The following KDM4C variants were observed in gnomAD, a reference collection of about 807,000 sequenced individuals.
KDM4C encodes the protein lysine demethylase 4C.
A neutral mutation model predicts 129.3 loss-of-function variants in KDM4C; 81 were observed. The observed-to-expected ratio is 0.63, with a 90% CI of 0.52 to 0.75. KDM4C has a LOEUF of 0.75. Ranked by LOEUF, KDM4C falls within the 30% of genes least tolerant of loss-of-function variation. The pLI is 0.00. For synonymous variants in KDM4C, 573 were observed against 456.1 expected, an observed-to-expected ratio of 1.26 and a Z score of -3.26; for missense variants, 1,457 against 1,304.0, an observed-to-expected ratio of 1.12 and a Z score of -1.81.
chr9:7,080,696 T>A (rs1230053537), intron 17 of KDM4C, among the ~76,000 whole-genome samples: 1 of 152,242 alleles, frequency 6.6e-6, no homozygotes, highest in African/African-American at 2.4e-5. Context: ...TGACAAAAAA[T>A]ATAATTTAAG....
rs575017848 is a variant in KDM4C, at chr9:6,996,157, C to A, written c.1786+5633C>A. Among the ~76,000 whole-genome samples, 5 of 152,294 alleles carry A rather than the reference C, an allele frequency of 3.3e-5. No individual in the cohort carries two copies. The South Asian group carries it at 1.0e-3, about 32-fold the overall frequency. On this transcript the variant is annotated intron_variant, in intron 12 of 21. Coordinates refer to ENST00000381309, the MANE Select transcript of KDM4C (RefSeq NM_015061.6). ...TATCTCTGTTTGTTGCCTTGCTGCCCATTTTGATGTGATTCACACTCACAA... is the reference window on the plus strand; with the variant it reads ...TATCTCTGTTTGTTGCCTTGCTGCCAATTTTGATGTGATTCACACTCACAA...
chr9:7,100,296 C>G (rs967018688), intron 17 of KDM4C, among the ~76,000 whole-genome samples: 2 of 152,150 alleles, frequency 1.3e-5, no homozygotes, highest in Non-Finnish European at 2.9e-5. Context: ...AACTAGCCTA[C>G]CTAACCTACA....
At chr9:6,752,947 G>C (rs950419128), upstream of KDM4C, among the ~76,000 whole-genome samples, 1 of 152,156 alleles carries the variant, frequency 6.6e-6, no homozygotes, top group East Asian at 1.9e-4. Flanking sequence ...GGCACTCTAT[G>C]ATCATTAATG....
intron 8 of KDM4C, chr9:6,974,884 G>A (rs1832676179): frequency 6.6e-6 from 1 of 152,096 alleles, no homozygotes; most frequent in South Asian, 2.1e-4. Context: ...CAGCAGGAGT[G>A]GATTGTTTAA....
chr9:7,134,462 C>T (rs1279636424), intron 19 of KDM4C, among the ~76,000 whole-genome samples: 1 of 152,136 alleles, frequency 6.6e-6, no homozygotes, highest in Non-Finnish European at 1.5e-5. Flanking sequence ...GTTTATGTAG[C>T]CAAATTTCCT....
At chr9:7,011,123 A>G (rs1822612358) in intron 12 of KDM4C, among the ~76,000 whole-genome samples, 1 of 152,158 alleles carries the variant, frequency 6.6e-6, no homozygotes, top group Non-Finnish European at 1.5e-5. Context: ...AGAAGATCTG[A>G]CTAGGGATTT....
chr9:6,973,513 C>A (rs1832359639), intron 8 of KDM4C, among the ~76,000 whole-genome samples: 1 of 152,216 alleles, frequency 6.6e-6, no homozygotes, highest in Non-Finnish European at 1.5e-5. Context: ...TTGTTTTCGA[C>A]ATGGCTGCTA....
intron 1 of KDM4C, among the ~76,000 whole-genome samples, chr9:6,737,844 G>T (rs949114082): frequency 1.3e-5 from 2 of 151,696 alleles, no homozygotes; most frequent in Non-Finnish European, 2.9e-5. Flanking sequence ...GTCAAAAAAT[G>T]ACAGATGCTG....
chr9:6,946,332 C>T (rs58288912), intron 8 of KDM4C, among the ~76,000 whole-genome samples: 9,383 of 151,990 alleles, frequency 0.062, 829 homozygotes, highest in African/African-American at 0.2. Flanking sequence ...GACACACCTC[C>T]GTGACATTTT....
At chr9:6,810,852 C>G (rs1034028106) in intron 3 of KDM4C, among the ~76,000 whole-genome samples, 1 of 151,952 alleles carries the variant, frequency 6.6e-6, no homozygotes, top group Admixed American at 6.6e-5. Flanking sequence ...GCCTGGGTGA[C>G]AAGAGCAAGA....
At chr9:7,063,706 G>A (rs1249547564) in intron 17 of KDM4C, among the ~76,000 whole-genome samples, 1 of 152,154 alleles carries the variant, frequency 6.6e-6, no homozygotes, top group African/African-American at 2.4e-5. Flanking sequence ...TACTAGATTT[G>A]GGCATGAGAC....
chr9:7,149,034 C>T (rs1366035672), intron 19 of KDM4C, among the ~76,000 whole-genome samples: 2 of 152,206 alleles, frequency 1.3e-5, no homozygotes, highest in African/African-American at 4.8e-5. Context: ...TCCTAATAAC[C>T]TGTCTGCCTT....
At chr9:6,890,697 T>G (rs1845996513) in intron 7 of KDM4C, among the ~76,000 whole-genome samples, 1 of 152,144 alleles carries the variant, frequency 6.6e-6, no homozygotes, top group Non-Finnish European at 1.5e-5. Context: ...GTAGGTAGGA[T>G]TCCATGGAGC....
chr9:6,868,341 G>T (rs760447487), intron 5 of KDM4C, among the ~76,000 whole-genome samples: 5 of 152,060 alleles, frequency 3.3e-5, no homozygotes, highest in African/African-American at 1.2e-4. Flanking sequence ...GAGAGTTTCC[G>T]TAGGTAACAT....
At chr9:6,858,696 T>C (rs1398711992) in intron 5 of KDM4C, among the ~76,000 whole-genome samples, 1 of 151,824 alleles carries the variant, frequency 6.6e-6, no homozygotes, top group Admixed American at 6.6e-5. Flanking sequence ...TCGCTTCACC[T>C]GGGAGGTGGA....
chr9:6,772,366 CCTT>C (rs1242799679), intron 1 of KDM4C, among the ~76,000 whole-genome samples: 2 of 140,412 alleles, frequency 1.4e-5, no homozygotes, highest in Non-Finnish European at 3.1e-5. Flanking sequence ...CCAGACTGGT[CCTT>C]TTTTTTTTTG....
chr9:6,734,526 T>A (rs1200504751), intron 1 of KDM4C: 2 of 177,128 alleles, frequency 1.1e-5, no homozygotes, highest in African/African-American at 4.8e-5. Context: ...ACTCCTGATC[T>A]CAGGTGATCC....
intron 19 of KDM4C, among the ~76,000 whole-genome samples, chr9:7,140,360 T>C (rs1252182341): frequency 6.6e-6 from 1 of 151,256 alleles, no homozygotes; most frequent in Non-Finnish European, 1.5e-5. Flanking sequence ...TTTTTTGTTT[T>C]TGTTTTTTGT....
chr9:6,804,244 C>T (rs560950489), intron 2 of KDM4C, among the ~76,000 whole-genome samples: 19 of 152,298 alleles, frequency 1.2e-4, no homozygotes, highest in Admixed American at 5.9e-4. Flanking sequence ...GCTGAGGCAC[C>T]TTATACTGGC....
Sources: gnomAD v4.1 joint callset for allele counts (sites outside exome capture counted in the v4.1 genomes callset) on GRCh38, gnomAD v4.1.1 for gene constraint, MANE v1.5 for transcripts, NCBI Gene and HGNC (gene_info 2026-07-23, HGNC 2026-07-21) for gene names.